PPP1CA: variants seen among roughly 807,000 people sequenced by gnomAD.
The protein encoded by PPP1CA is protein phosphatase 1 catalytic subunit alpha.
In PPP1CA, 14 loss-of-function variants were observed where a neutral mutation model predicts 38.5. That is an observed-to-expected ratio of 0.36 (90% CI 0.24 to 0.57). PPP1CA has a LOEUF of 0.57. PPP1CA is among the 20% of genes least tolerant of loss of function. The pLI is 0.80. For synonymous variants in PPP1CA, 200 were observed against 177.3 expected, an observed-to-expected ratio of 1.13 and a Z score of -1.02; for missense variants, 277 against 435.2, an observed-to-expected ratio of 0.64 and a Z score of 3.23.
In PPP1CA at chr11:67,398,929, C is replaced by T; in HGVS notation, c.747+11G>A. On this transcript the variant is annotated intron_variant, in intron 5 of 6. Transcript: ENST00000376745. ...CCCTTCCCCTGCCGCAGGCCGGAGC[C>T]ACCAGCCCACCTGGTGTGCTCGGCA... The T allele has an allele frequency of 6.2e-7, 1 of 1,613,078 alleles. No homozygotes were observed. The highest frequency in any genetic ancestry group is 8.5e-7 in the Non-Finnish European group (1 of 1,179,974).
Position 67,399,641 on chromosome 11 carries a change from A to G in PPP1CA, c.443T>C (p.Leu148Pro). Residue 148 changes from leucine (L) to proline (P), a missense_variant, in exon 4 of 7, where the codon CTG becomes CCG. Leu to Pro is a moderately conservative substitution (Grantham distance 98). Coordinates refer to ENST00000376745, the MANE Select transcript of PPP1CA (RefSeq NM_002708.4). ...GAAGCAGTCAGTGAAGGTTTTCCAC[A>G]GTTTGATGTTGTAGCGTCTCTTGCC... The part of the protein sequence containing the change: ...DECKRRYNIK[L>P]WKTFTDCFNC... 6.2e-7 allele frequency: 1 copy of G among 1,614,008 alleles called. No individual in the cohort carries two copies. Among genetic ancestry groups the G allele is most frequent in the Non-Finnish European group, 8.5e-7 (1 of 1,179,936 alleles).
At chr11:67,400,586 T>A in intron 3 of PPP1CA, 103 bp downstream of exon 3, 1 of 1,165,426 alleles carries the variant, frequency 8.6e-7, no homozygotes, top group Non-Finnish European at 1.3e-6. Context: ...GAGCGCACAG[T>A]CTATCAAGTG....
Position 67,401,834 on chromosome 11 carries a change from C to A in PPP1CA, c.-52G>T, listed in dbSNP as rs751753365. ...GCTCCTGGCCCGCTCCTGCCTCCCG[C>A]CCTCCGGCAGCCTCCTTCCGGCCTG... On this transcript the variant is annotated 5_prime_UTR_variant, in exon 1 of 7. Transcript: ENST00000376745. 3.0e-6 allele frequency: 4 copies of A among 1,342,738 alleles called. No homozygotes were observed. In the South Asian group the frequency reaches 7.6e-5, roughly 25 times the overall value. The allele number at this position is 1,342,738 out of a possible 1,614,324, so 83.2% of individuals were successfully genotyped here.
Position 67,399,495 on chromosome 11 carries a change from A to G in PPP1CA, c.523+66T>C. ...GGAGTGACTTCCCAGATGAGACCTAAGGAGAGCTGCCGGGTGCTGAGGGAT... is the reference window on the plus strand; with the variant it reads ...GGAGTGACTTCCCAGATGAGACCTAGGGAGAGCTGCCGGGTGCTGAGGGAT... On this transcript the variant is annotated intron_variant, in intron 4 of 6. Coordinates refer to ENST00000376745, the MANE Select transcript of PPP1CA (RefSeq NM_002708.4). 2.1e-6 allele frequency: 3 copies of G among 1,431,690 alleles called. No individual in the cohort carries two copies. The South Asian group carries it at 3.5e-5, about 17-fold the overall frequency. The allele number at this position is 1,431,690 out of a possible 1,614,324, so 88.7% of individuals were successfully genotyped here.
In PPP1CA at chr11:67,398,618, C is replaced by T; in HGVS notation, c.910G>A (p.Gly304Arg). The T allele has an allele frequency of 1.2e-6, 2 of 1,614,124 alleles. No homozygotes were observed. The highest frequency in any genetic ancestry group is 1.7e-6 in the Non-Finnish European group (2 of 1,180,002). ...QILKPADKNK[G>R]KYGQFSGLNP... is the part of the protein sequence containing the mutation. Reference sequence around the variant, plus strand: ...AGGCCACTGAACTGCCCGTACTTCCCCTTGTTCTTGTCGGCGGGCTTGAGG... The same window carrying T: ...AGGCCACTGAACTGCCCGTACTTCCTCTTGTTCTTGTCGGCGGGCTTGAGG... The change falls in exon 7 of 7, where the codon GGG becomes AGG. Residue 304 changes from glycine (G) to arginine (R), a missense_variant. Gly to Arg is a moderately radical substitution (Grantham distance 125). Coordinates refer to ENST00000376745, the MANE Select transcript of PPP1CA (RefSeq NM_002708.4).
intron 2 of PPP1CA, 30 bp from the exon 3 acceptor site, chr11:67,400,949 T>C (rs1862876579): frequency 1.9e-6 from 3 of 1,611,718 alleles, no homozygotes; most frequent in Admixed American, 1.7e-5. Context: ...GTAAGCTAGA[T>C]GCAAGGTCTA....
chr11:67,400,368 G>A (rs1386058752), intron 3 of PPP1CA, among the ~76,000 whole-genome samples: 1 of 152,232 alleles, frequency 6.6e-6, no homozygotes. Context: ...GCCAAGTCCA[G>A]GTCTGGTTTA....
chr11:67,399,816 C>A, intron 3 of PPP1CA, 151 bp from the exon 4 acceptor site: 1 of 638,202 alleles, frequency 1.6e-6, no homozygotes, highest in South Asian at 1.8e-5. Flanking sequence ...AGGAGCAATT[C>A]TAGTTACTTT....
chr11:67,399,182 G>A lies in PPP1CA; in HGVS notation c.524-19C>T. 6.2e-7 allele frequency: 1 copy of A among 1,602,460 alleles called. No homozygotes were observed. The highest frequency in any genetic ancestry group is 8.5e-7 in the Non-Finnish European group (1 of 1,170,748). ...GACAGGCCTGGGGGGCCGGGGGAAG[G>A]TCACTTCCTCAAACAAGGACATCCT... On this transcript the variant is annotated intron_variant, in intron 4 of 6. Coordinates refer to ENST00000376745, the MANE Select transcript of PPP1CA (RefSeq NM_002708.4).
chr11:67,401,550 G>C, intron 1 of PPP1CA, 178 bp downstream of exon 1: 2 of 559,746 alleles, frequency 3.6e-6, no homozygotes, highest in Non-Finnish European at 5.7e-6. Context: ...TGCTCCGCGC[G>C]TCGGAGCTGG....
rs2134986716 is a variant in PPP1CA at position 67,400,912 on chromosome 11, T to A, written c.195A>T (p.Ile65=). ...LEAPLKICGD[I]HGQYYDLLRL... ...GCAGAAGGTCGTAGTACTGGCCGTGTATGTCACCTGTGACCCAGGGAACCG... is the reference window on the plus strand; with the variant it reads ...GCAGAAGGTCGTAGTACTGGCCGTGAATGTCACCTGTGACCCAGGGAACCG... Residue 65 remains isoleucine (I), a synonymous_variant, in exon 3 of 7, where the codon ATA becomes ATT. Coordinates refer to ENST00000376745, the MANE Select transcript of PPP1CA (RefSeq NM_002708.4). 1 of 1,614,022 alleles carries A rather than the reference T, an allele frequency of 6.2e-7. No individual in the cohort carries two copies. Among genetic ancestry groups the A allele is most frequent in the Non-Finnish European group, 8.5e-7 (1 of 1,179,978 alleles).
In PPP1CA at chr11:67,401,795, G is replaced by T; in HGVS notation, c.-13C>A. ...CGCTGTCGGACATGGCGGCGCCGCC[G>T]CTCCAGCCCAGCAGCTCCTGGCCCG... is the stretch of plus-strand genomic sequence containing the variant. On this transcript the variant is annotated 5_prime_UTR_variant, in exon 1 of 7. Coordinates refer to ENST00000376745, the MANE Select transcript of PPP1CA (RefSeq NM_002708.4). 3 of 1,462,230 alleles carry T rather than the reference G, an allele frequency of 2.1e-6. No homozygotes were observed. Among genetic ancestry groups the T allele is most frequent in the Non-Finnish European group, 2.7e-6 (3 of 1,097,262 alleles). The allele number at this position is 1,462,230 out of a possible 1,614,324, so 90.6% of individuals were successfully genotyped here. A position where few individuals can be genotyped will look rare whatever the true frequency, so the allele number is the denominator to read the frequency against.
Position 67,401,795 on chromosome 11 carries a change from G to C in PPP1CA, c.-13C>G, listed in dbSNP as rs748710604. The C allele has an allele frequency of 1.3e-5, 19 of 1,462,120 alleles. No homozygotes were observed. The highest frequency in any genetic ancestry group is 1.1e-4 in the Admixed American group (5 of 47,118). 90.6% of individuals were successfully genotyped at this position (1,462,120 alleles called of 1,614,324 possible). ...CGCTGTCGGACATGGCGGCGCCGCC[G>C]CTCCAGCCCAGCAGCTCCTGGCCCG... On this transcript the variant is annotated 5_prime_UTR_variant, in exon 1 of 7. Transcript: ENST00000376745.
intron 5 of PPP1CA, 23 bp downstream of exon 5, chr11:67,398,917 G>C: frequency 1.9e-6 from 3 of 1,612,214 alleles, no homozygotes; most frequent in Non-Finnish European, 2.5e-6. Flanking sequence ...TTCCCCTGCC[G>C]CAGGCCGGAG....
rs1862801112 is a variant in PPP1CA, at chr11:67,398,659, T to G, written c.883-14A>C. The G allele has an allele frequency of 6.2e-7, 1 of 1,613,756 alleles. No individual in the cohort carries two copies. Among genetic ancestry groups the G allele is most frequent in the South Asian group, 1.1e-5 (1 of 91,088 alleles). On this transcript the variant is annotated splice_polypyrimidine_tract_variant and intron_variant, in intron 6 of 6. Transcript: ENST00000376745. ...GGGCTTGAGGATCTAAAAGAGACAG[T>G]GTTGGTCAGGCTCATGGGGCTGAGC...
chr11:67,400,815 T>A lies in PPP1CA; in HGVS notation c.292A>T (p.Lys98Ter). 1 of 1,614,044 alleles carries A rather than the reference T, an allele frequency of 6.2e-7. No individual in the cohort carries two copies. The highest frequency in any genetic ancestry group is 8.5e-7 in the Non-Finnish European group (1 of 1,179,988). ...LFLGDYVDRG[K>*]QSLETICLLL... ...AGGCAGATGGTCTCCAAGGACTGCT[T>A]GCCCCTGTCCACATAGTCCCCCAGA... Residue 98 changes from lysine to a stop codon, truncating the protein, a stop_gained, in exon 3 of 7, where the codon AAG becomes TAG. Transcript: ENST00000376745. LOFTEE classifies it high-confidence loss of function.
rs199819169 is a variant in PPP1CA at position 67,398,924 on chromosome 11, G to A, written c.747+16C>T. Reference sequence around the variant, plus strand: ...CCCTCCCCTTCCCCTGCCGCAGGCCGGAGCCACCAGCCCACCTGGTGTGCT... The same window carrying A: ...CCCTCCCCTTCCCCTGCCGCAGGCCAGAGCCACCAGCCCACCTGGTGTGCT... On this transcript the variant is annotated intron_variant, in intron 5 of 6. Coordinates refer to ENST00000376745, the MANE Select transcript of PPP1CA (RefSeq NM_002708.4). 292 of 1,612,752 alleles carry A rather than the reference G, an allele frequency of 1.8e-4. No individual in the cohort carries two copies. In the African/African-American group the frequency reaches 2.6e-3, roughly 14 times the overall value.
intron 3 of PPP1CA, among the ~76,000 whole-genome samples, chr11:67,400,282 G>A (rs911962740): frequency 4.6e-5 from 7 of 152,222 alleles, no homozygotes; most frequent in African/African-American, 1.7e-4. Flanking sequence ...AAGCACCCGA[G>A]TCCACTGGAA....
Position 67,398,586 on chromosome 11 carries a change from A to G in PPP1CA, c.942T>C (p.Pro314=), listed in dbSNP as rs1590934928. ...GGGGTGGGGTGATGGGTCGGCCTCC[A>G]GGGTTCAGGCCACTGAACTGCCCGT... ...GKYGQFSGLN[P]GGRPITPPRN... is the part of the protein sequence containing the mutation. Residue 314 remains proline, a synonymous_variant, in exon 7 of 7, where the codon CCT becomes CCC. Transcript: ENST00000376745. The G allele has an allele frequency of 6.2e-7, 1 of 1,614,084 alleles. No homozygotes were observed.
Sources: allele counts gnomAD v4.1 joint callset (sites outside exome capture counted in the v4.1 genomes callset), GRCh38; gene constraint gnomAD v4.1.1; transcripts MANE v1.5; gene names NCBI Gene and HGNC (gene_info 2026-07-23, HGNC 2026-07-21).